The following ZBTB7C variants were observed in gnomAD, a reference collection of about 807,000 sequenced individuals.
ZBTB7C encodes the protein zinc finger and BTB domain-containing protein 7C.
In ZBTB7C, 8 loss-of-function variants were observed where a neutral mutation model predicts 25.7. That is an observed-to-expected ratio of 0.31 (90% CI 0.18 to 0.56). The LOEUF (loss-of-function observed/expected upper bound fraction) is 0.56. Among genes scored for constraint, ZBTB7C ranks in the 20% least tolerant of loss-of-function variants. ZBTB7C has a pLI of 0.91. For synonymous variants in ZBTB7C, 394 were observed against 369.0 expected (o/e 1.07, Z -0.78); for missense variants, 824 against 855.2 (o/e 0.96, Z 0.46).
rs11082645 is a variant in ZBTB7C, at chr18:48,065,500, T to A, written c.-16-24377A>T. ...CTGGTGTGACAAGCACACCTTCAGG[T>A]AACACTGGGGGTAGAGCCATGCTTT... is the stretch of plus-strand genomic sequence containing the variant. On this transcript the variant is annotated intron_variant, in intron 3 of 4. Transcript: ENST00000590800. Among the ~76,000 whole-genome samples the A allele has an allele frequency of 2.6e-5, 4 of 152,208 alleles. No individual in the cohort carries two copies. In the East Asian group the frequency reaches 7.7e-4, roughly 29 times the overall value.
chr18:48,160,377 C>G (rs910284239), intron 3 of ZBTB7C, among the ~76,000 whole-genome samples: 4 of 152,178 alleles, frequency 2.6e-5, no homozygotes, highest in Non-Finnish European at 5.9e-5. Flanking sequence ...TGGAGCTACC[C>G]TAAAATTAAA....
chr18:48,383,561 C>G (rs963108423), intron 1 of ZBTB7C, among the ~76,000 whole-genome samples: 6 of 152,184 alleles, frequency 3.9e-5, no homozygotes, highest in African/African-American at 1.4e-4. Context: ...AGCTACCGTG[C>G]CTGGCCAAGT....
chr18:48,344,163 T>C (rs2046670719), intron 1 of ZBTB7C, among the ~76,000 whole-genome samples: 2 of 152,186 alleles, frequency 1.3e-5, no homozygotes. Flanking sequence ...TTTGTATTTT[T>C]AGTAGAGACG....
At chr18:48,384,826 C>T (rs2047709949) in intron 1 of ZBTB7C, among the ~76,000 whole-genome samples, 1 of 152,128 alleles carries the variant, frequency 6.6e-6, no homozygotes, top group Non-Finnish European at 1.5e-5. Flanking sequence ...GGTTTACAGG[C>T]ATGCGCCACC....
chr18:48,102,282 G>A (rs1320778200), intron 3 of ZBTB7C, among the ~76,000 whole-genome samples: 2 of 152,282 alleles, frequency 1.3e-5, no homozygotes, highest in Admixed American at 6.5e-5. Context: ...CTAACCTAAC[G>A]GCAGGGTGCA....
chr18:48,339,726 A>G (rs1361490560), intron 1 of ZBTB7C, among the ~76,000 whole-genome samples: 1 of 152,148 alleles, frequency 6.6e-6, no homozygotes, highest in Admixed American at 6.5e-5. Context: ...GATGGGGAGA[A>G]GAGGAGAACA....
At chr18:48,172,720 G>A (rs990323372) in intron 3 of ZBTB7C, among the ~76,000 whole-genome samples, 38 of 152,366 alleles carry the variant, frequency 2.5e-4, no homozygotes, top group African/African-American at 8.7e-4. Context: ...CTGGCCCGGG[G>A]CGAAGAGGGC....
chr18:48,130,362 T>C (rs902490728), intron 3 of ZBTB7C, among the ~76,000 whole-genome samples: 11 of 152,092 alleles, frequency 7.2e-5, no homozygotes, highest in African/African-American at 2.4e-4. Flanking sequence ...TTAAGGGAAG[T>C]GGGCAGGGAT....
intron 3 of ZBTB7C, among the ~76,000 whole-genome samples, chr18:48,102,101 A>G (rs909574471): frequency 6.6e-6 from 1 of 152,260 alleles, no homozygotes; most frequent in Non-Finnish European, 1.5e-5. Flanking sequence ...GAGGCGCTGA[A>G]GGAGGTCATC....
intron 4 of ZBTB7C, among the ~76,000 whole-genome samples, chr18:48,039,149 A>C (rs1371428002): frequency 7.2e-5 from 11 of 152,254 alleles, no homozygotes; most frequent in Admixed American, 5.2e-4. Flanking sequence ...TTCAAATTTC[A>C]AATTTTATAA....
chr18:48,042,311 A>C (rs2036284240), intron 3 of ZBTB7C, among the ~76,000 whole-genome samples: 1 of 152,216 alleles, frequency 6.6e-6, no homozygotes, highest in Admixed American at 6.5e-5. Context: ...CAACAACAAT[A>C]AAATAAGGTG....
chr18:48,176,616 C>CGTGTGTGT (rs10533963), intron 3 of ZBTB7C, among the ~76,000 whole-genome samples: 14,634 of 149,632 alleles, frequency 0.098, 997 homozygotes, highest in East Asian at 0.3. Flanking sequence ...AGGAAATACA[C>CGTGTGTGT]GTGTGTGTGT....
intron 1 of ZBTB7C, among the ~76,000 whole-genome samples, chr18:48,367,393 A>C: frequency 7.0e-6 from 1 of 142,678 alleles, no homozygotes; most frequent in African/African-American, 2.6e-5. Context: ...AGAAGACTCT[A>C]AAAGGTAACA....
At chr18:48,138,966 C>G (rs1306584954) in intron 3 of ZBTB7C, among the ~76,000 whole-genome samples, 1 of 152,170 alleles carries the variant, frequency 6.6e-6, no homozygotes, top group Non-Finnish European at 1.5e-5. Flanking sequence ...CTCGGAGCCT[C>G]TCTTCTTGTG....
At chr18:48,214,663 T>A (rs1445869862) in intron 2 of ZBTB7C, among the ~76,000 whole-genome samples, 1 of 152,236 alleles carries the variant, frequency 6.6e-6, no homozygotes, top group Non-Finnish European at 1.5e-5. Flanking sequence ...TTAATAAACT[T>A]GCATTCACTT....
intron 3 of ZBTB7C, among the ~76,000 whole-genome samples, chr18:48,112,016 A>G (rs867668915): frequency 6.6e-6 from 1 of 152,200 alleles, no homozygotes; most frequent in Non-Finnish European, 1.5e-5. Context: ...GTCCAACAAA[A>G]AAGGATACTA....
chr18:48,193,517 G>C (rs1035402869), intron 2 of ZBTB7C, among the ~76,000 whole-genome samples: 1 of 152,218 alleles, frequency 6.6e-6, no homozygotes, highest in African/African-American at 2.4e-5. Flanking sequence ...CCTCCCAACA[G>C]AGTACTTGCT....
At chr18:48,408,589 G>C (rs2048335384) in intron 1 of ZBTB7C, 1 of 152,242 alleles carries the variant, frequency 6.6e-6, no homozygotes, top group Non-Finnish European at 1.5e-5. Flanking sequence ...ATCTCATCGA[G>C]AGGTGCTGGA....
chr18:48,041,747 A>T (rs73953659), intron 3 of ZBTB7C, among the ~76,000 whole-genome samples: 20,753 of 143,804 alleles, frequency 0.14, 1,496 homozygotes, highest in African/African-American at 0.18. Flanking sequence ...TCCTTTTTTT[A>T]AAAAAAAAAC....
Sources: allele counts gnomAD v4.1 joint callset (sites outside exome capture counted in the v4.1 genomes callset), GRCh38; gene constraint gnomAD v4.1.1; transcripts MANE v1.5; gene names NCBI Gene and HGNC (gene_info 2026-07-23, HGNC 2026-07-21).